CSMD1: variants seen among roughly 807,000 people sequenced by gnomAD.
The protein encoded by CSMD1 is CUB and Sushi multiple domains 1.
CSMD1 carries 213 observed loss-of-function variants against 417.5 expected under a neutral mutation model. The observed-to-expected ratio is 0.51, with a 90% CI of 0.46 to 0.57. The LOEUF is 0.57. Ranked by LOEUF, CSMD1 falls within the 20% of genes least tolerant of loss-of-function variation. The probability of loss-of-function intolerance (pLI) is 0.00; values close to 1 mark genes in which losing one functional copy is unlikely to be tolerated. For missense variants in CSMD1, 6,923 were observed against 4,529.7 expected (o/e 1.53, Z -15.17); for synonymous variants, 2,862 against 1,736.8 (o/e 1.65, Z -16.11).
intron 37 of CSMD1, among the ~76,000 whole-genome samples, chr8:3,179,225 G>C (rs761169595): frequency 3.3e-5 from 5 of 152,166 alleles, no homozygotes; most frequent in Non-Finnish European, 5.9e-5. Flanking sequence ...GATTACAGGC[G>C]TGAGCCACCG....
At chr8:3,034,393 T>A (rs1174666199) in intron 50 of CSMD1, among the ~76,000 whole-genome samples, 2 of 152,108 alleles carry the variant, frequency 1.3e-5, no homozygotes, top group Non-Finnish European at 2.9e-5. Flanking sequence ...ATTTTACAGT[T>A]AGGCTGAAAA....
chr8:4,231,864 C>T (rs779245463), intron 3 of CSMD1, among the ~76,000 whole-genome samples: 10 of 152,214 alleles, frequency 6.6e-5, no homozygotes, highest in Non-Finnish European at 1.5e-4. Flanking sequence ...GATAAAGGAT[C>T]AAACACATCA....
At chr8:4,577,405 G>T (rs1220749265) in intron 2 of CSMD1, among the ~76,000 whole-genome samples, 1 of 152,062 alleles carries the variant, frequency 6.6e-6, no homozygotes, top group Admixed American at 6.6e-5. Context: ...TCTCAAGTCG[G>T]GGAAATGTTC....
At chr8:3,846,134 T>C (rs1287951622) in intron 5 of CSMD1, among the ~76,000 whole-genome samples, 2 of 152,134 alleles carry the variant, frequency 1.3e-5, no homozygotes, top group African/African-American at 4.8e-5. Context: ...AGTACCATGG[T>C]TGTTTATGAT....
chr8:4,703,964 C>G (rs1807750240), intron 1 of CSMD1, among the ~76,000 whole-genome samples: 1 of 152,162 alleles, frequency 6.6e-6, no homozygotes, highest in South Asian at 2.1e-4. Context: ...ATCCCTCACA[C>G]ATGCAGTTCA....
intron 4 of CSMD1, among the ~76,000 whole-genome samples, chr8:3,999,379 G>C (rs1019652214): frequency 5.9e-5 from 9 of 152,144 alleles, no homozygotes; most frequent in African/African-American, 2.2e-4. Context: ...ACCGAAGTGA[G>C]AGGAAATGAC....
intron 5 of CSMD1, among the ~76,000 whole-genome samples, chr8:3,839,109 ATAG>A (rs1166701305): frequency 8.3e-6 from 1 of 121,058 alleles, no homozygotes; most frequent in Non-Finnish European, 1.6e-5. Flanking sequence ...GCCTATATAT[ATAG>A]TCTATATGTA....
At chr8:4,795,304 C>T (rs1237893049) in intron 1 of CSMD1, among the ~76,000 whole-genome samples, 2 of 90,510 alleles carry the variant, frequency 2.2e-5, no homozygotes, top group Non-Finnish European at 4.3e-5. Flanking sequence ...TGGAGTCCTG[C>T]TCTGTCGCCT....
chr8:4,601,324 C>T (rs1055792384), intron 2 of CSMD1, among the ~76,000 whole-genome samples: 1 of 152,112 alleles, frequency 6.6e-6, no homozygotes, highest in Non-Finnish European at 1.5e-5. Context: ...GTTTGGAAGT[C>T]CCCTTGGAGA....
At chr8:3,900,674 G>C (rs1047166659) in intron 5 of CSMD1, among the ~76,000 whole-genome samples, 2 of 152,022 alleles carry the variant, frequency 1.3e-5, no homozygotes, top group African/African-American at 2.4e-5. Context: ...GTGTAGCTAG[G>C]TGACAGTGTA....
intron 5 of CSMD1, among the ~76,000 whole-genome samples, chr8:3,976,818 T>C (rs907100210): frequency 2.0e-5 from 3 of 152,210 alleles, no homozygotes; most frequent in South Asian, 4.1e-4. Context: ...TAGAATAGCA[T>C]CTGTGACCTC....
intron 5 of CSMD1, among the ~76,000 whole-genome samples, chr8:3,884,634 T>A (rs1044831898): frequency 3.3e-5 from 5 of 152,242 alleles, no homozygotes; most frequent in Non-Finnish European, 7.4e-5. Context: ...CAAAAAGACG[T>A]TACTTAATGT....
rs576763582 is a variant in CSMD1 at position 4,511,259 on chromosome 8, G to A, written c.303-91194C>T. 2.2e-4 allele frequency among the ~76,000 whole-genome samples: 34 copies of A among 152,186 alleles called. 1 individual carries two copies. The highest frequency in any genetic ancestry group is 1.3e-3 in the Admixed American group (20 of 15,288). On this transcript the variant is annotated intron_variant, in intron 2 of 69. Transcript: ENST00000635120. Reference sequence around the variant, plus strand: ...GTGTGAATTCTCAGACTTGGCGGCCGATTTCCAGAAATAGTCCCAGGGCTG... The same window carrying A: ...GTGTGAATTCTCAGACTTGGCGGCCAATTTCCAGAAATAGTCCCAGGGCTG...
chr8:3,202,747 T>C (rs2116736138), intron 31 of CSMD1, among the ~76,000 whole-genome samples: 1 of 152,338 alleles, frequency 6.6e-6, no homozygotes, highest in Admixed American at 6.5e-5. Context: ...AATCTAACTG[T>C]AACAGTGTGT....
chr8:3,558,934 G>C lies in CSMD1; in HGVS notation c.1344+16011C>G, dbSNP rs183521077. Among the ~76,000 whole-genome samples, 88 of 152,260 alleles carry C rather than the reference G, an allele frequency of 5.8e-4. 1 individual carries two copies. The East Asian group carries it at 0.016, about 28-fold the overall frequency. ...GTCCTGGGGCAGCACCACGATTCGA[G>C]GTCCCAGAGTAGCCCAGTATGACGG... On this transcript the variant is annotated intron_variant, in intron 10 of 69. Coordinates refer to ENST00000635120, the MANE Select transcript of CSMD1 (RefSeq NM_033225.6).
At chr8:4,874,660 G>A (rs184894035) in intron 1 of CSMD1, among the ~76,000 whole-genome samples, 6 of 151,618 alleles carry the variant, frequency 4.0e-5, no homozygotes. Context: ...CAGAGTCCTG[G>A]GATCAGTTGG....
intron 50 of CSMD1, among the ~76,000 whole-genome samples, chr8:3,047,318 C>A (rs567473366): frequency 1.3e-5 from 2 of 151,948 alleles, no homozygotes; most frequent in Non-Finnish European, 2.9e-5. Context: ...TGGTCCCAGA[C>A]GATTCCCGTG....
At chr8:3,682,177 C>A (rs1165150049) in intron 7 of CSMD1, among the ~76,000 whole-genome samples, 1 of 152,110 alleles carries the variant, frequency 6.6e-6, no homozygotes, top group Non-Finnish European at 1.5e-5. Flanking sequence ...CAACAAAAGC[C>A]AAAATTGACA....
At chr8:4,404,326 T>A (rs545961382) in intron 3 of CSMD1, among the ~76,000 whole-genome samples, 2 of 152,196 alleles carry the variant, frequency 1.3e-5, no homozygotes, top group South Asian at 2.1e-4. Context: ...TGATGTGGCT[T>A]TCTCCACTGG....
Sources: gnomAD v4.1 joint callset for allele counts (sites outside exome capture counted in the v4.1 genomes callset) on GRCh38, gnomAD v4.1.1 for gene constraint, MANE v1.5 for transcripts, NCBI Gene and HGNC (gene_info 2026-07-23, HGNC 2026-07-21) for gene names.